UVRAG: variants seen among roughly 807,000 people sequenced by gnomAD.
UVRAG encodes the protein UV radiation resistance associated, also known as UV radiation resistance-associated gene protein.
UVRAG carries 19 observed loss-of-function variants against 78.0 expected under a neutral mutation model. That is an observed-to-expected ratio of 0.24 (90% CI 0.17 to 0.36). The LOEUF is 0.36. Ranked by LOEUF, UVRAG falls within the 10% of genes least tolerant of loss-of-function variation. The pLI, the probability that UVRAG is intolerant of heterozygous loss-of-function variation, is 1.00. For synonymous variants in UVRAG, 323 were observed against 324.6 expected (o/e 1.00, Z 0.05); for missense variants, 740 against 853.8 (o/e 0.87, Z 1.66).
rs939561330 is a variant in UVRAG at position 76,142,574 on chromosome 11, G to A, written c.*1161G>A. The A allele has an allele frequency of 6.6e-6, 1 of 152,594 alleles. No individual in the cohort carries two copies. Among genetic ancestry groups the A allele is most frequent in the Non-Finnish European group, 1.5e-5 (1 of 68,048 alleles). 9.5% of individuals were successfully genotyped at this position (152,594 alleles called of 1,614,324 possible). On this transcript the variant is annotated 3_prime_UTR_variant, in exon 15 of 15. Coordinates refer to ENST00000356136, the MANE Select transcript of UVRAG (RefSeq NM_003369.4). ...TTACGTACCCAAGGACATTGCCTCAGGGTTGCAAACTCTTTAAAGGAAAAT... is the reference window on the plus strand; with the variant it reads ...TTACGTACCCAAGGACATTGCCTCAAGGTTGCAAACTCTTTAAAGGAAAAT...
intron 6 of UVRAG, among the ~76,000 whole-genome samples, chr11:75,939,046 G>A (rs968968018): frequency 4.6e-5 from 7 of 151,536 alleles, no homozygotes; most frequent in African/African-American, 1.7e-4. Flanking sequence ...ACTACAAGTT[G>A]TCTGGTGGCC....
chr11:75,897,291 T>G (rs1947363609), intron 5 of UVRAG, among the ~76,000 whole-genome samples: 1 of 152,218 alleles, frequency 6.6e-6, no homozygotes, highest in Admixed American at 6.5e-5. Flanking sequence ...GTTCTGGTAC[T>G]GTGTTGCTTA....
At chr11:76,108,425 T>C (rs767081487) in intron 13 of UVRAG, among the ~76,000 whole-genome samples, 37 of 152,232 alleles carry the variant, frequency 2.4e-4, no homozygotes, top group Non-Finnish European at 5.0e-4. Context: ...GTTTTAAATG[T>C]GATCTCCAGA....
At chr11:75,862,144 A>G (rs1003311434) in intron 3 of UVRAG, among the ~76,000 whole-genome samples, 2 of 152,218 alleles carry the variant, frequency 1.3e-5, no homozygotes, top group African/African-American at 4.8e-5. Flanking sequence ...TCTGTTAAGA[A>G]CTTTAAATGA....
chr11:76,073,390 G>A (rs1163210419), intron 13 of UVRAG, among the ~76,000 whole-genome samples: 6 of 152,094 alleles, frequency 3.9e-5, no homozygotes, highest in African/African-American at 1.4e-4. Flanking sequence ...TCTCAAAACT[G>A]AATGAAGTGA....
intron 14 of UVRAG, 135 bp downstream of exon 14, chr11:76,116,150 C>T (rs1213749832): frequency 1.9e-5 from 16 of 841,774 alleles, no homozygotes; most frequent in Non-Finnish European, 2.6e-5. Context: ...AAATGAAAGG[C>T]GCCATCACAG....
intron 5 of UVRAG, among the ~76,000 whole-genome samples, chr11:75,908,097 C>T (rs1264078750): frequency 2.0e-5 from 3 of 152,130 alleles, no homozygotes; most frequent in Non-Finnish European, 4.4e-5. Context: ...ATCCCCTGGT[C>T]CCTGCCAGTT....
intron 6 of UVRAG, among the ~76,000 whole-genome samples, chr11:75,922,668 C>G (rs1422041141): frequency 4.6e-5 from 7 of 152,120 alleles, no homozygotes; most frequent in African/African-American, 1.4e-4. Flanking sequence ...AAACTATTGG[C>G]CGGGCGTGGT....
chr11:76,065,282 T>C (rs1161436913), intron 12 of UVRAG, among the ~76,000 whole-genome samples: 1 of 152,244 alleles, frequency 6.6e-6, no homozygotes, highest in Non-Finnish European at 1.5e-5. Context: ...AGAAATCTTA[T>C]ATATTGCTTC....
At chr11:76,020,326 C>T (rs182900777) in intron 12 of UVRAG, among the ~76,000 whole-genome samples, 1 of 152,224 alleles carries the variant, frequency 6.6e-6, no homozygotes, top group East Asian at 1.9e-4. Flanking sequence ...TGCTCTACTC[C>T]ACTGTGGCCA....
chr11:75,860,036 C>G (rs1241061185), intron 2 of UVRAG, among the ~76,000 whole-genome samples: 2 of 152,290 alleles, frequency 1.3e-5, no homozygotes, highest in African/African-American at 4.8e-5. Flanking sequence ...CCTCCACCTT[C>G]TGGGTTCAAG....
intron 1 of UVRAG, among the ~76,000 whole-genome samples, chr11:75,822,426 T>C (rs1056252822): frequency 6.6e-6 from 1 of 152,188 alleles, no homozygotes; most frequent in Non-Finnish European, 1.5e-5. Context: ...CAATATGGTG[T>C]CCTATGATTC....
chr11:76,068,760 A>C (rs1684268536), intron 13 of UVRAG, among the ~76,000 whole-genome samples: 1 of 152,186 alleles, frequency 6.6e-6, no homozygotes, highest in African/African-American at 2.4e-5. Context: ...AGAACCATTA[A>C]TTGTTATGGC....
At chr11:75,989,407 C>T (rs1338340290) in intron 8 of UVRAG, among the ~76,000 whole-genome samples, 4 of 152,124 alleles carry the variant, frequency 2.6e-5, no homozygotes, top group Non-Finnish European at 5.9e-5. Context: ...GAAACACTCC[C>T]CATGTAGTGA....
At chr11:75,836,108 A>C (rs895476697) in intron 1 of UVRAG, among the ~76,000 whole-genome samples, 4 of 151,834 alleles carry the variant, frequency 2.6e-5, no homozygotes, top group Non-Finnish European at 5.9e-5. Context: ...AAAAAAAAAA[A>C]CAAAAAAACC....
chr11:75,982,639 T>C (rs1330214970), intron 7 of UVRAG, among the ~76,000 whole-genome samples: 2 of 152,178 alleles, frequency 1.3e-5, no homozygotes, highest in African/African-American at 4.8e-5. Flanking sequence ...CTGCTTGGCC[T>C]TCTTTGAAAC....
At chr11:75,970,589 C>A (rs186580221) in intron 7 of UVRAG, among the ~76,000 whole-genome samples, 6 of 151,890 alleles carry the variant, frequency 4.0e-5, no homozygotes, top group African/African-American at 7.3e-5. Flanking sequence ...AAAAATTAGC[C>A]GGGCGTGGTC....
Position 76,008,809 on chromosome 11 carries a change from T to G in UVRAG, c.1002T>G (p.Asn334Lys). 2.1e-6 allele frequency: 3 copies of G among 1,450,872 alleles called. No homozygotes were observed. The highest frequency in any genetic ancestry group is 1.9e-6 in the Non-Finnish European group (2 of 1,075,850). The allele number at this position is 1,450,872 out of a possible 1,614,324, so 89.9% of individuals were successfully genotyped here. The change falls in exon 11 of 15, where the codon AAT (asparagine) becomes AAG (lysine). Residue 334 changes from asparagine (N) to lysine (K), a missense_variant and splice_region_variant. Transcript: ENST00000356136. ...ELSYIYPIDL[N>K]EHKDYFVCGV... ...TTATTCTTTAATTAAATTCACAGAATGAACATAAGGATTACTTTGTATGCG... is the reference window on the plus strand; with the variant it reads ...TTATTCTTTAATTAAATTCACAGAAGGAACATAAGGATTACTTTGTATGCG...
chr11:76,127,935 C>T (rs1166231802), intron 14 of UVRAG, among the ~76,000 whole-genome samples: 1 of 149,756 alleles, frequency 6.7e-6, no homozygotes, highest in Non-Finnish European at 1.5e-5. Context: ...CAAGCCTGGG[C>T]AAAAAGAGCG....
Sources: gnomAD v4.1 joint callset for allele counts (sites outside exome capture counted in the v4.1 genomes callset) on GRCh38, gnomAD v4.1.1 for gene constraint, MANE v1.5 for transcripts, NCBI Gene and HGNC (gene_info 2026-07-23, HGNC 2026-07-21) for gene names.